Variants in MTUS2 observed in about 807,000 individuals in gnomAD.
MTUS2 encodes microtubule-associated tumor suppressor candidate 2.
In MTUS2, 40 loss-of-function variants were observed where a neutral mutation model predicts 114.1. The ratio of observed to expected loss-of-function variants is 0.35; its 90% CI spans 0.27 to 0.46. MTUS2 has a LOEUF of 0.46. MTUS2 is among the 20% of genes least tolerant of loss of function. The pLI is 1.00. For synonymous variants in MTUS2, 688 were observed against 672.0 expected (o/e 1.02, Z -0.37); for missense variants, 1,679 against 1,705.4 (o/e 0.98, Z 0.27).
At chr13:29,307,623 C>T in intron 6 of MTUS2, 1 of 1,163,420 alleles carries the variant, frequency 8.6e-7, no homozygotes, top group African/African-American at 1.5e-5. Flanking sequence ...ACCAGCTTGT[C>T]TCCTCTGACT....
chr13:29,215,955 A>C (rs1033862384), intron 5 of MTUS2, among the ~76,000 whole-genome samples: 1 of 152,176 alleles, frequency 6.6e-6, no homozygotes, highest in Admixed American at 6.5e-5. Context: ...GGAACGTTTA[A>C]GTCTGCTGAA....
intron 2 of MTUS2, among the ~76,000 whole-genome samples, chr13:28,914,367 A>G (rs968080633): frequency 6.6e-6 from 1 of 152,140 alleles, no homozygotes; most frequent in African/African-American, 2.4e-5. Flanking sequence ...GGAGTCATTC[A>G]GAGGAAGGTA....
intron 5 of MTUS2, among the ~76,000 whole-genome samples, chr13:29,111,733 T>C (rs1407805790): frequency 1.3e-5 from 2 of 152,194 alleles, no homozygotes; most frequent in Non-Finnish European, 2.9e-5. Context: ...TGTGGTATTT[T>C]TCCAAAGGCA....
chr13:28,920,002 C>T (rs1457706098), intron 2 of MTUS2, among the ~76,000 whole-genome samples: 1 of 152,184 alleles, frequency 6.6e-6, no homozygotes, highest in Non-Finnish European at 1.5e-5. Flanking sequence ...TGAGTTTCCT[C>T]AACACAACTA....
intron 2 of MTUS2, among the ~76,000 whole-genome samples, chr13:28,939,978 T>G (rs1349231933): frequency 6.6e-6 from 1 of 152,074 alleles, no homozygotes; most frequent in Non-Finnish European, 1.5e-5. Context: ...CCATCAGATC[T>G]CATGAGACTT....
chr13:29,337,768 A>C (rs1480924917), intron 7 of MTUS2, among the ~76,000 whole-genome samples: 1 of 128,606 alleles, frequency 7.8e-6, no homozygotes, highest in Non-Finnish European at 1.7e-5. Flanking sequence ...CCCCTGGCTA[A>C]TTTTTTGTTT....
At chr13:29,499,517 AAAT>A (rs1351571825) in intron 14 of MTUS2, among the ~76,000 whole-genome samples, 1 of 152,244 alleles carries the variant, frequency 6.6e-6, no homozygotes, top group Non-Finnish European at 1.5e-5. Context: ...GATAAACAAA[AAAT>A]AAGCAGATTA....
At chr13:29,077,650 C>T (rs1425896365) in intron 4 of MTUS2, among the ~76,000 whole-genome samples, 1 of 152,184 alleles carries the variant, frequency 6.6e-6, no homozygotes, top group Non-Finnish European at 1.5e-5. Context: ...ATTGTCAGCC[C>T]TGGTAGGGAC....
intron 6 of MTUS2, among the ~76,000 whole-genome samples, chr13:29,313,117 G>A (rs1422600445): frequency 6.6e-6 from 1 of 152,124 alleles, no homozygotes; most frequent in Non-Finnish European, 1.5e-5. Flanking sequence ...GTGTAGTAAA[G>A]CTGTGGCCCC....
At chr13:29,159,513 A>T (rs921726037) in intron 5 of MTUS2, among the ~76,000 whole-genome samples, 4 of 152,220 alleles carry the variant, frequency 2.6e-5, no homozygotes, top group Non-Finnish European at 4.4e-5. Context: ...ATTAGATCTC[A>T]TCAAAATTAA....
chr13:29,333,411 G>A (rs1156912333), intron 7 of MTUS2, among the ~76,000 whole-genome samples: 1 of 151,842 alleles, frequency 6.6e-6, no homozygotes, highest in Non-Finnish European at 1.5e-5. Flanking sequence ...TGGTCAGGCT[G>A]GTCTCTAACA....
intron 1 of MTUS2, among the ~76,000 whole-genome samples, chr13:28,822,158 A>G (rs1450343901): frequency 6.6e-6 from 1 of 152,202 alleles, no homozygotes; most frequent in African/African-American, 2.4e-5. Context: ...TCAGAAAGAA[A>G]CCTGGCCTCT....
chr13:29,243,312 G>A (rs994670102), intron 5 of MTUS2, among the ~76,000 whole-genome samples: 2 of 152,142 alleles, frequency 1.3e-5, no homozygotes, highest in Non-Finnish European at 2.9e-5. Context: ...GAAACATCGG[G>A]GATATGGGAG....
chr13:29,325,813 T>C lies in MTUS2; in HGVS notation c.2905+1102T>C, dbSNP rs78223113. 4.6e-3 allele frequency among the ~76,000 whole-genome samples: 707 copies of C among 152,288 alleles called. 6 individuals are homozygous for C. Among genetic ancestry groups the C allele is most frequent in the African/African-American group, 0.016 (661 of 41,554 alleles). On this transcript the variant is annotated intron_variant, in intron 7 of 15. Coordinates refer to ENST00000612955, the MANE Select transcript of MTUS2 (RefSeq NM_001033602.4). Reference sequence around the variant, plus strand: ...ACAGGTTGTATTATTGCCCCTCTCTTTACATGTGAGGAAAGTGAGGCACAG... The same window carrying C: ...ACAGGTTGTATTATTGCCCCTCTCTCTACATGTGAGGAAAGTGAGGCACAG...
Position 29,059,337 on chromosome 13 carries a change from G to A in MTUS2, c.2446+25212G>A, listed in dbSNP as rs569867301. Among the ~76,000 whole-genome samples, 11 of 147,982 alleles carry A rather than the reference G, an allele frequency of 7.4e-5. No individual in the cohort carries two copies. The East Asian group carries it at 1.9e-3, about 25-fold the overall frequency. ...GGCTTCAAAGCTAGTTTGCTCCTAC[G>A]TCTTGCAGGAGCCCCTTCCAATTAC... On this transcript the variant is annotated intron_variant, in intron 4 of 15. Coordinates refer to ENST00000612955, the MANE Select transcript of MTUS2 (RefSeq NM_001033602.4).
intron 8 of MTUS2, chr13:29,428,900 C>A (rs1876780655): frequency 2.5e-6 from 4 of 1,613,832 alleles, no homozygotes; most frequent in Non-Finnish European, 3.4e-6. Context: ...CAAGACGGTA[C>A]TTTGCCTTCC....
chr13:28,841,268 G>A (rs1875461824), intron 2 of MTUS2, among the ~76,000 whole-genome samples: 1 of 152,216 alleles, frequency 6.6e-6, no homozygotes, highest in African/African-American at 2.4e-5. Flanking sequence ...AATACTTTGG[G>A]GCCAGATTTA....
intron 5 of MTUS2, among the ~76,000 whole-genome samples, chr13:29,109,932 T>G (rs1287289369): frequency 6.6e-6 from 1 of 152,182 alleles, no homozygotes; most frequent in Non-Finnish European, 1.5e-5. Context: ...ACCTTCTGAG[T>G]GAGTGTTAAG....
intron 5 of MTUS2, among the ~76,000 whole-genome samples, chr13:29,120,717 C>A (rs1891272597): frequency 6.6e-6 from 1 of 152,178 alleles, no homozygotes; most frequent in South Asian, 2.1e-4. Flanking sequence ...AGGAGCCCTC[C>A]ACTAAAGGAT....
Sources: gnomAD v4.1 joint callset for allele counts (sites outside exome capture counted in the v4.1 genomes callset) on GRCh38, gnomAD v4.1.1 for gene constraint, MANE v1.5 for transcripts, NCBI Gene and HGNC (gene_info 2026-07-23, HGNC 2026-07-21) for gene names.